DMRT2: variants seen among roughly 807,000 people sequenced by gnomAD.
The protein encoded by DMRT2 is doublesex- and mab-3-related transcription factor 2.
DMRT2 carries 33 observed loss-of-function variants against 43.5 expected under a neutral mutation model. That is an observed-to-expected ratio of 0.76 (90% CI 0.58 to 1.01). The LOEUF is 1.01. Among genes scored for constraint, DMRT2 ranks in the 50% least tolerant of loss-of-function variants. The pLI is 0.00. For synonymous variants in DMRT2, 395 were observed against 309.2 expected (o/e 1.28, Z -2.91); for missense variants, 1,064 against 748.0 (o/e 1.42, Z -4.93).
chr9:1,053,424 G>A (rs939166019), intron 2 of DMRT2, among the ~76,000 whole-genome samples: 1 of 152,150 alleles, frequency 6.6e-6, no homozygotes, highest in Admixed American at 6.5e-5. Context: ...ACTTCCCTCC[G>A]GGATGTCCCC....
intron 3 of DMRT2, chr9:1,055,659 C>A (rs976026079): frequency 2.9e-6 from 4 of 1,400,578 alleles, no homozygotes; most frequent in Middle Eastern, 2.0e-4. Context: ...TTTTCTTAAG[C>A]CTTTTTTTTC....
At chr9:1,052,180 G>T in intron 2 of DMRT2, 42 bp downstream of exon 2, 1 of 1,310,674 alleles carries the variant, frequency 7.6e-7, no homozygotes, top group East Asian at 3.1e-5. Flanking sequence ...CCACAGTGGA[G>T]GTGGGGGAGT....
At chr9:1,054,408 CTTT>C (rs34422902) in intron 3 of DMRT2, among the ~76,000 whole-genome samples, 52 of 138,122 alleles carry the variant, frequency 3.8e-4, no homozygotes, top group Middle Eastern at 3.9e-3. Flanking sequence ...TTTCATTGTA[CTTT>C]TTTTTTTTTT....
chr9:1,053,452 T>C (rs1821753161), intron 2 of DMRT2, among the ~76,000 whole-genome samples: 1 of 152,180 alleles, frequency 6.6e-6, no homozygotes, highest in African/African-American at 2.4e-5. Flanking sequence ...TGGCCATAGG[T>C]CTGCGTATAT....
Position 1,056,555 on chromosome 9 carries a change from C to G in DMRT2, c.968C>G (p.Ser323Cys), listed in dbSNP as rs773977303. Residue 323 changes from serine (S) to cysteine (C), a missense_variant, in exon 4 of 4, where the codon TCT becomes TGT. By Grantham distance (112) the Ser-to-Cys change is moderately radical. Coordinates refer to ENST00000358146, the MANE Select transcript of DMRT2 (RefSeq NM_181872.6). ...GGGTCTGGGAATATGGAACTAATTT[C>G]TTCTAATGTCAGCGTGGCCACAACT... ...YSGSGNMELISSNVSVATTYR... is the reference protein window; with the variant it reads ...YSGSGNMELICSNVSVATTYR... The G allele has an allele frequency of 1.9e-6, 3 of 1,614,076 alleles. No individual in the cohort carries two copies. Among genetic ancestry groups the G allele is most frequent in the Non-Finnish European group, 2.5e-6 (3 of 1,180,040 alleles).
chr9:1,056,206 C>T lies in DMRT2; in HGVS notation c.629-10C>T, dbSNP rs1305998551. ...TAATCTCTTTCATGTGCAATCTTTG[C>T]TTCTTGTAGGCTATCGCCCCATTCC... On this transcript the variant is annotated splice_polypyrimidine_tract_variant and intron_variant, in intron 3 of 3. Coordinates refer to ENST00000358146, the MANE Select transcript of DMRT2 (RefSeq NM_181872.6). 1 of 1,584,464 alleles carries T rather than the reference C, an allele frequency of 6.3e-7. No individual in the cohort carries two copies. Among genetic ancestry groups the T allele is most frequent in the African/African-American group, 1.4e-5 (1 of 73,258 alleles).
rs1239519882 is a variant in DMRT2 at position 1,057,418 on chromosome 9, A to G, written c.*145A>G. On this transcript the variant is annotated 3_prime_UTR_variant, in exon 4 of 4. Coordinates refer to ENST00000358146, the MANE Select transcript of DMRT2 (RefSeq NM_181872.6). Reference sequence around the variant, plus strand: ...TTGAAAAATTTTATATATTCCTAATATGCATGTACTTTTTCTTATCACATA... The same window carrying G: ...TTGAAAAATTTTATATATTCCTAATGTGCATGTACTTTTTCTTATCACATA... 1 of 847,146 alleles carries G rather than the reference A, an allele frequency of 1.2e-6. No individual in the cohort carries two copies. Among genetic ancestry groups the G allele is most frequent in the Non-Finnish European group, 1.8e-6 (1 of 570,352 alleles). The allele number at this position is 847,146 out of a possible 1,614,324, so 52.5% of individuals were successfully genotyped here.
intron 3 of DMRT2, among the ~76,000 whole-genome samples, chr9:1,055,207 T>G (rs1050974446): frequency 6.6e-6 from 1 of 152,240 alleles, no homozygotes; most frequent in Non-Finnish European, 1.5e-5. Context: ...TCAAATTTTA[T>G]TTTATTTGCA....
intron 3 of DMRT2, chr9:1,055,595 T>C (rs999091436): frequency 9.8e-5 from 86 of 877,870 alleles, no homozygotes; most frequent in Middle Eastern, 3.9e-4. Flanking sequence ...AATTGTTCAC[T>C]GTAGAGTGTG....
In DMRT2 at chr9:1,057,305, G is replaced by A. The variant is rs766709953; in HGVS notation, c.*32G>A. 1 of 1,579,592 alleles carries A rather than the reference G, an allele frequency of 6.3e-7. No individual in the cohort carries two copies. Among genetic ancestry groups the A allele is most frequent in the Non-Finnish European group, 8.6e-7 (1 of 1,166,266 alleles). ...GCTTAAACAGAAAGCTGGATTTTCT[G>A]CAGTCTTAGAGCATTATAGCCATTT... is the stretch of plus-strand genomic sequence containing the variant. On this transcript the variant is annotated 3_prime_UTR_variant, in exon 4 of 4. Coordinates refer to ENST00000358146, the MANE Select transcript of DMRT2 (RefSeq NM_181872.6).
Position 1,057,146 on chromosome 9 carries a change from G to T in DMRT2, c.1559G>T (p.Arg520Ile). Residue 520 changes from arginine (R) to isoleucine (I), a missense_variant, in exon 4 of 4, where the codon AGA (arginine) becomes ATA (isoleucine). Physicochemically the swap from Arg to Ile is moderately conservative, Grantham distance 97. Transcript: ENST00000358146. ...CAGAAGTACACATTTACAATAGATA[G>T]ATGTGCAAAAGACCTTTTTGTAGCC... ...DNQKYTFTID[R>I]CAKDLFVAKQ... 1 of 1,614,108 alleles carries T rather than the reference G, an allele frequency of 6.2e-7. No homozygotes were observed. Among genetic ancestry groups the T allele is most frequent in the Non-Finnish European group, 8.5e-7 (1 of 1,180,020 alleles).
rs772030456 is a variant in DMRT2 at position 1,056,869 on chromosome 9, G to A, written c.1282G>A (p.Ala428Thr). ...QGHQAVPERS[A>T]FSPPRRNFSP... ...TCATCAGGCTGTCCCAGAGAGGTCC[G>A]CGTTCTCCCCACCCCGACGGAATTT... Residue 428 changes from alanine (A) to threonine (T), a missense_variant, in exon 4 of 4, where the codon GCG becomes ACG. By Grantham distance (58) the Ala-to-Thr change is moderately conservative. Coordinates refer to ENST00000358146, the MANE Select transcript of DMRT2 (RefSeq NM_181872.6). 18 of 1,614,088 alleles carry A rather than the reference G, an allele frequency of 1.1e-5. No individual in the cohort carries two copies. The highest frequency in any genetic ancestry group is 2.7e-5 in the African/African-American group (2 of 75,004).
At chr9:1,053,508 G>T (rs1375638413) in intron 2 of DMRT2, among the ~76,000 whole-genome samples, 2 of 152,220 alleles carry the variant, frequency 1.3e-5, no homozygotes, top group African/African-American at 4.8e-5. Context: ...GAAAGCAGGG[G>T]ATCCAGCTCA....
Position 1,051,695 on chromosome 9 carries a change from G to T in DMRT2, c.82G>T (p.Gly28Trp), listed in dbSNP as rs763491458. ...ESLELEEDVC[G>W]APRSTPPGPS... is the part of the protein sequence containing the mutation. ...CCTGGAGCTGGAAGAGGACGTCTGC[G>T]GGGCGCCGCGGTCCACGCCCCCCGG... The change falls in exon 2 of 4, where the codon GGG becomes TGG. Residue 28 changes from glycine to tryptophan, a missense_variant. Coordinates refer to ENST00000358146, the MANE Select transcript of DMRT2 (RefSeq NM_181872.6). The surrounding 1 kb of genome is among the most constrained non-coding windows in gnomAD (Gnocchi z 5.9). 1.3e-6 allele frequency: 2 copies of T among 1,555,814 alleles called. No homozygotes were observed. The highest frequency in any genetic ancestry group is 4.9e-5 in the East Asian group (2 of 41,060).
intron 3 of DMRT2, 122 bp from the exon 4 acceptor site, chr9:1,056,094 A>T: frequency 6.7e-7 from 1 of 1,492,990 alleles, no homozygotes. Flanking sequence ...TAAAAATATC[A>T]GTGAGATGGA....
At chr9:1,054,407 A>C (rs1408029460) in intron 3 of DMRT2, among the ~76,000 whole-genome samples, 1 of 136,904 alleles carries the variant, frequency 7.3e-6, no homozygotes, top group Non-Finnish European at 1.6e-5. Flanking sequence ...TTTTCATTGT[A>C]CTTTTTTTTT....
intron 3 of DMRT2, among the ~76,000 whole-genome samples, chr9:1,054,143 T>G (rs1007534526): frequency 2.0e-5 from 3 of 152,176 alleles, no homozygotes; most frequent in African/African-American, 7.2e-5. Context: ...TGCTTAGTGG[T>G]TAATCGGTTA....
chr9:1,054,268 A>G (rs1246115809), intron 3 of DMRT2, among the ~76,000 whole-genome samples: 1 of 152,266 alleles, frequency 6.6e-6, no homozygotes, highest in African/African-American at 2.4e-5. Context: ...AAGCAAAACA[A>G]AACAACACAA....
In DMRT2 at chr9:1,053,651, A is replaced by T. The variant is rs767660871; in HGVS notation, c.526-71A>T. 6.5e-4 allele frequency: 840 copies of T among 1,293,552 alleles called. 2 individuals carry two copies. The highest frequency in any genetic ancestry group is 8.6e-4 in the Non-Finnish European group (789 of 913,856). 80.1% of individuals were successfully genotyped at this position (1,293,552 alleles called of 1,614,324 possible). ...GAGAGTTTCTAGAAGATTTACGGAC[A>T]TCCCGTCCTTCCCCCTTCTCGCCCC... On this transcript the variant is annotated intron_variant, in intron 2 of 3. Transcript: ENST00000358146.
Sources: gnomAD v4.1 joint callset for allele counts (sites outside exome capture counted in the v4.1 genomes callset) on GRCh38, gnomAD v4.1.1 for gene constraint, Gnocchi (gnomAD v3.1) non-coding constraint, MANE v1.5 for transcripts, NCBI Gene and HGNC (gene_info 2026-07-23, HGNC 2026-07-21) for gene names.